ASIC2: variants seen among roughly 807,000 people sequenced by gnomAD.
The protein encoded by ASIC2 is acid sensing ion channel subunit 2.
A neutral mutation model predicts 57.3 loss-of-function variants in ASIC2; 25 were observed. The ratio of observed to expected loss-of-function variants is 0.44; its 90% CI spans 0.32 to 0.61. The LOEUF is 0.61. Ranked by LOEUF, ASIC2 falls within the 20% of genes least tolerant of loss-of-function variation. ASIC2 has a pLI of 0.06. For synonymous variants in ASIC2, 319 were observed against 307.5 expected (o/e 1.04, Z -0.39); for missense variants, 641 against 738.1 (o/e 0.87, Z 1.52).
rs77649261 is a variant in ASIC2, at chr17:33,236,847, C to T, written c.708+54561G>A. Among the ~76,000 whole-genome samples the T allele has an allele frequency of 0.011, 1,610 of 152,228 alleles. 64 individuals are homozygous for T. In the East Asian group the frequency reaches 0.14, roughly 13 times the overall value. The stretch of plus-strand genomic sequence containing the variant: ...GTACAACTCAAGGAACTCCTGCAGC[C>T]ACCAGAAGCTGGAAATCTTCCTTAG... On this transcript the variant is annotated intron_variant, in intron 1 of 9. Transcript: ENST00000225823.
chr17:33,476,045 A>C (rs950197149), intron 1 of ASIC2, among the ~76,000 whole-genome samples: 16 of 152,198 alleles, frequency 1.1e-4, no homozygotes, highest in African/African-American at 3.9e-4. Context: ...AAAAGCATGA[A>C]ACTGTCACCA....
At chr17:33,628,029 C>T (rs190723066) in intron 1 of ASIC2, among the ~76,000 whole-genome samples, 195 of 151,596 alleles carry the variant, frequency 1.3e-3, no homozygotes, top group African/African-American at 4.3e-3. Context: ...GACTCTGTCT[C>T]AAAAAAATAA....
chr17:33,324,999 G>C (rs1015249624), intron 1 of ASIC2, among the ~76,000 whole-genome samples: 3 of 152,174 alleles, frequency 2.0e-5, no homozygotes, highest in Admixed American at 2.0e-4. Context: ...GGAAGAAGAG[G>C]GGGTGAATGC....
At chr17:33,500,830 C>G (rs1171537906) in intron 1 of ASIC2, among the ~76,000 whole-genome samples, 1 of 152,258 alleles carries the variant, frequency 6.6e-6, no homozygotes, top group Non-Finnish European at 1.5e-5. Flanking sequence ...ACAGAAGGCA[C>G]TCAAAGCAAT....
At chr17:34,101,710 T>C (rs1598027152) in intron 1 of ASIC2, among the ~76,000 whole-genome samples, 1 of 152,342 alleles carries the variant, frequency 6.6e-6, no homozygotes, top group Non-Finnish European at 1.5e-5. Flanking sequence ...ATAAACAATA[T>C]GTAAGTCTCC....
chr17:33,031,795 AT>A (rs2091884760), intron 3 of ASIC2, among the ~76,000 whole-genome samples: 1 of 152,156 alleles, frequency 6.6e-6, no homozygotes, highest in Non-Finnish European at 1.5e-5. Context: ...GCATATACAT[AT>A]TTAGGATTGC....
intron 1 of ASIC2, among the ~76,000 whole-genome samples, chr17:33,328,513 C>T (rs1410533877): frequency 2.6e-5 from 4 of 152,126 alleles, no homozygotes; most frequent in African/African-American, 9.7e-5. Flanking sequence ...GATCTTGATG[C>T]CCATCCCCCA....
chr17:33,405,729 G>A (rs139189860), intron 1 of ASIC2, among the ~76,000 whole-genome samples: 75 of 152,094 alleles, frequency 4.9e-4, no homozygotes, highest in African/African-American at 1.6e-3. Flanking sequence ...TGATCCACCC[G>A]CCTTGGCCTC....
At chr17:33,919,920 C>T (rs1023962584) in intron 1 of ASIC2, among the ~76,000 whole-genome samples, 9 of 152,110 alleles carry the variant, frequency 5.9e-5, no homozygotes, top group Admixed American at 1.3e-4. Flanking sequence ...CATGAAAAAA[C>T]GCTCCACATC....
At chr17:33,359,319 C>T (rs1302107652) in intron 1 of ASIC2, among the ~76,000 whole-genome samples, 1 of 152,176 alleles carries the variant, frequency 6.6e-6, no homozygotes, top group African/African-American at 2.4e-5. Flanking sequence ...CACTGATTCT[C>T]AGTATTGGGT....
chr17:33,219,221 T>C (rs1408973158), intron 1 of ASIC2, among the ~76,000 whole-genome samples: 2 of 152,148 alleles, frequency 1.3e-5, no homozygotes, highest in South Asian at 2.1e-4. Flanking sequence ...GCACAGGAAA[T>C]CTGCTACTAG....
At chr17:33,583,890 A>C (rs1904527561) in intron 1 of ASIC2, among the ~76,000 whole-genome samples, 1 of 152,134 alleles carries the variant, frequency 6.6e-6, no homozygotes, top group African/African-American at 2.4e-5. Context: ...GATCTTGATG[A>C]GATGTCATCC....
chr17:33,217,247 G>A (rs1222627150), intron 1 of ASIC2, among the ~76,000 whole-genome samples: 1 of 152,172 alleles, frequency 6.6e-6, no homozygotes, highest in Non-Finnish European at 1.5e-5. Context: ...GATATGAAGG[G>A]TGGCAAGTGA....
intron 1 of ASIC2, among the ~76,000 whole-genome samples, chr17:33,515,255 C>A (rs1914531660): frequency 6.6e-6 from 1 of 152,152 alleles, no homozygotes; most frequent in South Asian, 2.1e-4. Flanking sequence ...TCTAGATTCC[C>A]AGGACATACC....
chr17:33,940,670 C>T (rs1019861095), intron 1 of ASIC2, among the ~76,000 whole-genome samples: 1 of 152,176 alleles, frequency 6.6e-6, no homozygotes, highest in Non-Finnish European at 1.5e-5. Context: ...AGCTTGGATC[C>T]TAGCAGGGGA....
intron 1 of ASIC2, among the ~76,000 whole-genome samples, chr17:33,521,309 G>T (rs1914734947): frequency 6.6e-6 from 1 of 152,156 alleles, no homozygotes; most frequent in East Asian, 1.9e-4. Flanking sequence ...ATTTGGCTCT[G>T]CAGGGGGAGG....
intron 3 of ASIC2, among the ~76,000 whole-genome samples, chr17:33,087,020 C>T (rs972467549): frequency 3.3e-5 from 5 of 152,114 alleles, no homozygotes; most frequent in Non-Finnish European, 5.9e-5. Context: ...CATGCTGCAC[C>T]CTCTTCCCTA....
At chr17:33,933,966 G>A (rs1916002538) in intron 1 of ASIC2, among the ~76,000 whole-genome samples, 1 of 152,222 alleles carries the variant, frequency 6.6e-6, no homozygotes, top group South Asian at 2.1e-4. Context: ...TAGTTTTTCT[G>A]TTCACTTTAA....
intron 1 of ASIC2, among the ~76,000 whole-genome samples, chr17:33,950,015 C>T (rs1015844971): frequency 1.3e-5 from 2 of 152,184 alleles, no homozygotes; most frequent in African/African-American, 4.8e-5. Flanking sequence ...AGACTCAAGC[C>T]AAGTCTGACT....
Sources: allele counts gnomAD v4.1 joint callset (sites outside exome capture counted in the v4.1 genomes callset), GRCh38; gene constraint gnomAD v4.1.1; transcripts MANE v1.5; gene names NCBI Gene and HGNC (gene_info 2026-07-23, HGNC 2026-07-21).